Variants in HSD17B4 observed in about 807,000 individuals in gnomAD.
The protein encoded by HSD17B4 is hydroxysteroid 17-beta dehydrogenase 4.
HSD17B4 carries 70 observed loss-of-function variants against 101.0 expected under a neutral mutation model. The ratio of observed to expected loss-of-function variants is 0.69; its 90% CI spans 0.57 to 0.85. The LOEUF (loss-of-function observed/expected upper bound fraction) is 0.85. Ranked by LOEUF, HSD17B4 falls within the 40% of genes least tolerant of loss-of-function variation. The pLI is 0.00. For missense variants in HSD17B4, 984 were observed against 892.4 expected (o/e 1.10, Z -1.31); for synonymous variants, 347 against 297.1 (o/e 1.17, Z -1.73).
chr5:119,505,843 A>G lies in HSD17B4; in HGVS notation c.1262-975A>G, dbSNP rs575546855. 6.6e-5 allele frequency among the ~76,000 whole-genome samples: 10 copies of G among 152,252 alleles called. No individual in the cohort carries two copies. The East Asian group carries it at 1.7e-3, about 26-fold the overall frequency. ...GGTAAACAGTATTGGTTGTATGCTC[A>G]ACAAATGTTTGTTGAATAACAGGGT... is the stretch of plus-strand genomic sequence containing the variant. On this transcript the variant is annotated intron_variant, in intron 14 of 23. Transcript: ENST00000510025.
At chr5:119,521,368 G>T (rs1753098340) in intron 17 of HSD17B4, among the ~76,000 whole-genome samples, 1 of 152,238 alleles carries the variant, frequency 6.6e-6, no homozygotes, top group East Asian at 1.9e-4. Context: ...CTTGCATGTT[G>T]CAGGTCAGTC....
At position 119,483,600 on chromosome 5, in the gene HSD17B4, G is replaced by A. The variant is rs144156558; in HGVS notation, c.622+4579G>A. On this transcript the variant is annotated intron_variant, in intron 8 of 23. Transcript: ENST00000510025. ...ATAATTTTAAAAAATGCTTTTTATGGTCATAGTTTCTTTGTGTAAAAGGAA... is the reference window on the plus strand; with the variant it reads ...ATAATTTTAAAAAATGCTTTTTATGATCATAGTTTCTTTGTGTAAAAGGAA... Among the ~76,000 whole-genome samples, 259 of 151,960 alleles carry A rather than the reference G, an allele frequency of 1.7e-3. 6 individuals are homozygous for A. In the South Asian group the frequency reaches 0.047, roughly 27 times the overall value.
At chr5:119,458,583 T>G (rs1178444167) in intron 2 of HSD17B4, among the ~76,000 whole-genome samples, 1 of 151,762 alleles carries the variant, frequency 6.6e-6, no homozygotes, top group Non-Finnish European at 1.5e-5. Flanking sequence ...TCCTGACCTC[T>G]TTTTAGAAGT....
In HSD17B4 at chr5:119,474,563, A is replaced by C. The variant is rs945239715; in HGVS notation, c.280+103A>C. The C allele has an allele frequency of 6.4e-6, 5 of 781,094 alleles. No homozygotes were observed. The African/African-American group carries it at 8.6e-5, about 13-fold the overall frequency. The allele number at this position is 781,094 out of a possible 1,614,324, so 48.4% of individuals were successfully genotyped here. A position where few individuals can be genotyped will look rare whatever the true frequency, so the allele number is the denominator to read the frequency against. ...TTACTAAACAGATACCTCTTTCCTC[A>C]TAATCACATTTTAAAATTTGATTTA... On this transcript the variant is annotated intron_variant, in intron 4 of 23. Transcript: ENST00000510025.
intron 1 of HSD17B4, among the ~76,000 whole-genome samples, chr5:119,454,437 C>G (rs148562929): frequency 6.6e-6 from 1 of 151,898 alleles, no homozygotes; most frequent in Non-Finnish European, 1.5e-5. Context: ...TCCAGACTAG[C>G]TAGGACTGTA....
chr5:119,516,143 C>T (rs1266743766), intron 17 of HSD17B4, among the ~76,000 whole-genome samples: 2 of 151,922 alleles, frequency 1.3e-5, no homozygotes, highest in African/African-American at 4.8e-5. Flanking sequence ...TTTTCTGTAC[C>T]ATATAATCAG....
intron 7 of HSD17B4, 51 bp downstream of exon 7, chr5:119,477,552 G>T (rs759976913): frequency 2.6e-6 from 3 of 1,168,732 alleles, no homozygotes; most frequent in African/African-American, 3.0e-5. Context: ...GTGTCTGGGG[G>T]TTCTTGTGTA....
chr5:119,496,549 C>G lies in HSD17B4; in HGVS notation c.875C>G (p.Thr292Ser), dbSNP rs1143650. ...ASKPQSIQES[T>S]GSIIEVLSKI... Reference sequence around the variant, plus strand: ...TTTTCATTTTTCATTTTAGAATCAACTGGCAGTATAATTGAAGTTCTGAGT... The same window carrying G: ...TTTTCATTTTTCATTTTAGAATCAAGTGGCAGTATAATTGAAGTTCTGAGT... Residue 292 changes from threonine (T) to serine (S), a missense_variant, in exon 12 of 24, where the codon ACT becomes AGT. Thr to Ser is a moderately conservative substitution (Grantham distance 58, BLOSUM62 1). Coordinates refer to ENST00000510025, the MANE Select transcript of HSD17B4 (RefSeq NM_000414.4). 5,901 of 1,529,008 alleles carry G rather than the reference C, an allele frequency of 3.9e-3. 177 individuals are homozygous for G. In the African/African-American group the frequency reaches 0.07, roughly 18 times the overall value. 94.7% of individuals were successfully genotyped at this position (1,529,008 alleles called of 1,614,324 possible).
chr5:119,517,075 G>A (rs1019853614), intron 17 of HSD17B4, among the ~76,000 whole-genome samples: 3 of 152,224 alleles, frequency 2.0e-5, no homozygotes, highest in South Asian at 4.1e-4. Context: ...GGCCAGAGCC[G>A]GCTCCCTCAG....
chr5:119,531,903 T>C (rs17145469), intron 22 of HSD17B4, among the ~76,000 whole-genome samples: 8,085 of 152,244 alleles, frequency 0.053, 287 homozygotes, highest in Non-Finnish European at 0.074. Context: ...TGTTTGTTTA[T>C]CTAATCTAGG....
intron 2 of HSD17B4, among the ~76,000 whole-genome samples, chr5:119,465,514 G>C (rs1057242143): frequency 2.0e-5 from 3 of 152,180 alleles, no homozygotes; most frequent in Non-Finnish European, 4.4e-5. Context: ...CTTACGAGGA[G>C]TAGATGCTGG....
chr5:119,519,824 AT>A (rs1752956362), intron 17 of HSD17B4, among the ~76,000 whole-genome samples: 1 of 152,138 alleles, frequency 6.6e-6, no homozygotes, highest in African/African-American at 2.4e-5. Flanking sequence ...TATTTTCATA[AT>A]TTTTTATAAT....
intron 17 of HSD17B4, among the ~76,000 whole-genome samples, chr5:119,523,910 T>G (rs1229496473): frequency 2.0e-5 from 3 of 152,114 alleles, no homozygotes; most frequent in African/African-American, 7.2e-5. Context: ...GAGCTGGCTT[T>G]GAATCTAGAT....
intron 22 of HSD17B4, 115 bp downstream of exon 22, chr5:119,531,519 T>C (rs1754104619): frequency 2.9e-6 from 3 of 1,037,554 alleles, no homozygotes. Flanking sequence ...TAGGTAAGTT[T>C]TTTTTCTTTT....
At chr5:119,522,160 C>G (rs1262681830) in intron 17 of HSD17B4, among the ~76,000 whole-genome samples, 4 of 151,992 alleles carry the variant, frequency 2.6e-5, no homozygotes, top group African/African-American at 9.7e-5. Flanking sequence ...TATTCAATTC[C>G]CACGTATGAG....
intron 19 of HSD17B4, among the ~76,000 whole-genome samples, chr5:119,526,858 A>G (rs1390141646): frequency 6.6e-6 from 1 of 151,954 alleles, no homozygotes; most frequent in Non-Finnish European, 1.5e-5. Flanking sequence ...CTCACCTAAT[A>G]TGATTATGGT....
chr5:119,531,390 T>G lies in HSD17B4; in HGVS notation c.1979T>G (p.Ile660Ser). The change falls in exon 22 of 24, where the codon ATT (isoleucine) becomes AGT (serine). Residue 660 changes from isoleucine to serine, a missense_variant. Coordinates refer to ENST00000510025, the MANE Select transcript of HSD17B4 (RefSeq NM_000414.4). ...FEWHITKGGN[I>S]GAKWTIDLKS... ...TGGCATATAACCAAAGGCGGAAATA[T>G]TGGGGCTAAGTGGAGTAAGTTATAG... The G allele has an allele frequency of 1.2e-6, 2 of 1,613,382 alleles. No individual in the cohort carries two copies. The highest frequency in any genetic ancestry group is 1.7e-6 in the Non-Finnish European group (2 of 1,179,458).
intron 8 of HSD17B4, among the ~76,000 whole-genome samples, chr5:119,483,972 A>G (rs1364732571): frequency 6.6e-6 from 1 of 152,162 alleles, no homozygotes; most frequent in Non-Finnish European, 1.5e-5. Flanking sequence ...TAAGGATCCA[A>G]ACAAGGTCCA....
intron 11 of HSD17B4, among the ~76,000 whole-genome samples, chr5:119,494,970 CT>C (rs1050891483): frequency 4.2e-4 from 64 of 151,352 alleles, no homozygotes; most frequent in African/African-American, 1.5e-3. Flanking sequence ...TGTAGAAAAA[CT>C]TTTTTTTCTC....
Sources: allele counts gnomAD v4.1 joint callset (sites outside exome capture counted in the v4.1 genomes callset), GRCh38; gene constraint gnomAD v4.1.1; transcripts MANE v1.5; gene names NCBI Gene and HGNC (gene_info 2026-07-23, HGNC 2026-07-21).